Variants in CADM2 observed in about 807,000 individuals in gnomAD.
CADM2 encodes the protein immunoglobulin superfamily member 4D.
Under a neutral mutation model 49.8 loss-of-function variants are expected in CADM2, and 12 were observed. The ratio of observed to expected loss-of-function variants is 0.24; its 90% confidence interval spans 0.15 to 0.39. The LOEUF (loss-of-function observed/expected upper bound fraction) is 0.39, where lower values mean the gene tolerates loss of function less well. Among genes scored for constraint, CADM2 ranks in the 10% least tolerant of loss-of-function variants. CADM2 has a pLI of 1.00. For synonymous variants in CADM2, 214 were observed against 175.4 expected, an observed-to-expected ratio of 1.22 and a Z score of -1.74; for missense variants, 378 against 492.3, an observed-to-expected ratio of 0.77 and a Z score of 2.20.
intron 1 of CADM2, among the ~76,000 whole-genome samples, chr3:85,513,447 A>T (rs750282249): frequency 6.6e-6 from 1 of 151,960 alleles, no homozygotes; most frequent in South Asian, 2.1e-4. Context: ...ATGATTATAC[A>T]TTATGCCACA....
At chr3:85,553,541 A>G (rs543448321) in intron 1 of CADM2, among the ~76,000 whole-genome samples, 12 of 152,274 alleles carry the variant, frequency 7.9e-5, no homozygotes, top group African/African-American at 1.7e-4. Context: ...TACTTAACGG[A>G]TATGTGTAAA....
At chr3:85,158,355 G>T (rs1035270107) in intron 1 of CADM2, among the ~76,000 whole-genome samples, 1 of 152,142 alleles carries the variant, frequency 6.6e-6, no homozygotes, top group Non-Finnish European at 1.5e-5. Flanking sequence ...ATACCCAAAG[G>T]ACTATAAATC....
At chr3:85,892,973 G>T (rs377281663) in intron 5 of CADM2, among the ~76,000 whole-genome samples, 1 of 152,172 alleles carries the variant, frequency 6.6e-6, no homozygotes. Flanking sequence ...TAGTGATATG[G>T]ACAACAAAGT....
chr3:86,064,037 T>C (rs977898403), intron 8 of CADM2, among the ~76,000 whole-genome samples: 1 of 150,410 alleles, frequency 6.6e-6, no homozygotes. Flanking sequence ...TTTTCACTTC[T>C]TTTTTTTTAA....
At chr3:85,158,154 C>T (rs1290800934) in intron 1 of CADM2, among the ~76,000 whole-genome samples, 1 of 152,174 alleles carries the variant, frequency 6.6e-6, no homozygotes, top group African/African-American at 2.4e-5. Context: ...CCATCTCACA[C>T]CAGTTAGAAT....
chr3:85,388,186 G>A (rs1043684849), intron 1 of CADM2, among the ~76,000 whole-genome samples: 2 of 152,136 alleles, frequency 1.3e-5, no homozygotes, highest in Non-Finnish European at 2.9e-5. Flanking sequence ...ATAGCACCAT[G>A]CCTGGCCAAT....
At chr3:85,943,664 G>A (rs1181397213) in intron 7 of CADM2, among the ~76,000 whole-genome samples, 1 of 151,914 alleles carries the variant, frequency 6.6e-6, no homozygotes, top group Non-Finnish European at 1.5e-5. Flanking sequence ...CAAGGCTACA[G>A]TACCCAAAAC....
chr3:85,180,514 G>GA (rs58932967), intron 1 of CADM2, among the ~76,000 whole-genome samples: 8,834 of 77,248 alleles, frequency 0.11, 554 homozygotes, highest in African/African-American at 0.21. Flanking sequence ...GTCTCAAAAA[G>GA]AAAAAAAAAA....
At chr3:85,517,227 A>G (rs935118223) in intron 1 of CADM2, among the ~76,000 whole-genome samples, 1 of 152,054 alleles carries the variant, frequency 6.6e-6, no homozygotes, top group Non-Finnish European at 1.5e-5. Context: ...TCACTTTTAT[A>G]CATAAAATAC....
At chr3:85,934,973 T>A (rs1721027819) in intron 6 of CADM2, among the ~76,000 whole-genome samples, 1 of 152,008 alleles carries the variant, frequency 6.6e-6, no homozygotes, top group Non-Finnish European at 1.5e-5. Context: ...AAAGAAAGAA[T>A]GTGTTAATAT....
chr3:85,966,616 T>TACAACCATGTAAAGGTCA (rs1456619196), intron 8 of CADM2, among the ~76,000 whole-genome samples: 1 of 151,594 alleles, frequency 6.6e-6, no homozygotes, highest in Non-Finnish European at 1.5e-5. Flanking sequence ...ATTTGACCTT[T>TACAACCATGTAAAGGTCA]ACAACCATGT....
intron 1 of CADM2, among the ~76,000 whole-genome samples, chr3:85,354,322 G>A (rs1478130283): frequency 7.8e-6 from 1 of 127,394 alleles, no homozygotes; most frequent in Non-Finnish European, 1.6e-5. Flanking sequence ...ATGGACACAG[G>A]AAGGGGAACA....
At chr3:85,158,322 C>G (rs1021900951) in intron 1 of CADM2, among the ~76,000 whole-genome samples, 3 of 152,136 alleles carry the variant, frequency 2.0e-5, no homozygotes, top group Non-Finnish European at 4.4e-5. Flanking sequence ...GCCATTTGAC[C>G]CAGCCATCCC....
At chr3:85,139,257 A>C (rs1575960443) in intron 1 of CADM2, among the ~76,000 whole-genome samples, 1 of 152,334 alleles carries the variant, frequency 6.6e-6, no homozygotes, top group East Asian at 1.9e-4. Context: ...ACACAGAAAC[A>C]CAAACACAAA....
In CADM2 at chr3:85,242,065, GT is replaced by G. The variant is rs3085118; in HGVS notation, c.61+282408del. Among the ~76,000 whole-genome samples, 396 of 140,916 alleles carry G rather than the reference GT, an allele frequency of 2.8e-3. 3 individuals are homozygous for G. Among genetic ancestry groups the G allele is most frequent in the Middle Eastern group, 0.011 (3 of 266 alleles). 92.4% of individuals were successfully genotyped at this position (140,916 alleles called of 152,430 possible). Reference sequence around the variant, plus strand: ...AGGAAATCAGAGGTTTGATTCTGTTGTTTTTTTTTTTATATATATAAGATTT... The same window carrying G: ...AGGAAATCAGAGGTTTGATTCTGTTGTTTTTTTTTTATATATATAAGATTT... On this transcript the variant is annotated intron_variant, in intron 1 of 9. Coordinates refer to ENST00000383699, the MANE Select transcript of CADM2 (RefSeq NM_001167675.2).
chr3:85,922,827 TG>T (rs1428040997), intron 6 of CADM2, among the ~76,000 whole-genome samples: 13 of 127,068 alleles, frequency 1.0e-4, no homozygotes, highest in African/African-American at 3.3e-4. Context: ...TATTTTTTGT[TG>T]TTTTTTTTTT....
rs573384940 is a variant in CADM2 at position 85,795,393 on chromosome 3, A to G, written c.89-6654A>G. 1.2e-4 allele frequency among the ~76,000 whole-genome samples: 19 copies of G among 152,274 alleles called. No homozygotes were observed. The Middle Eastern group carries it at 0.01, about 82-fold the overall frequency. ...TTGATTTTGGAAACCACATATCCCA[A>G]GGGCATTTAGGATTAGGAGATTCTC... On this transcript the variant is annotated intron_variant, in intron 2 of 9. Coordinates refer to ENST00000383699, the MANE Select transcript of CADM2 (RefSeq NM_001167675.2).
At chr3:85,981,179 T>C (rs1442512197) in intron 8 of CADM2, among the ~76,000 whole-genome samples, 1 of 151,370 alleles carries the variant, frequency 6.6e-6, no homozygotes, top group African/African-American at 2.4e-5. Context: ...TATAATTCTG[T>C]TTCAAAGGAC....
chr3:85,331,632 C>T (rs1398216952), intron 1 of CADM2, among the ~76,000 whole-genome samples: 1 of 151,820 alleles, frequency 6.6e-6, no homozygotes, highest in Non-Finnish European at 1.5e-5. Context: ...CTTTTGGGTA[C>T]AGACCCAACA....
Sources: gnomAD v4.1 joint callset for allele counts (sites outside exome capture counted in the v4.1 genomes callset) on GRCh38, gnomAD v4.1.1 for gene constraint, MANE v1.5 for transcripts, NCBI Gene and HGNC (gene_info 2026-07-23, HGNC 2026-07-21) for gene names.